Variants in USP4 observed in about 807,000 individuals in gnomAD.
USP4 encodes the protein ubiquitin carboxyl-terminal hydrolase 4.
Under a neutral mutation model 118.2 loss-of-function variants are expected in USP4, and 72 were observed. The observed-to-expected ratio is 0.61, with a 90% CI of 0.50 to 0.74. The LOEUF (loss-of-function observed/expected upper bound fraction) is 0.74, where lower values mean the gene tolerates loss of function less well. USP4 is among the 30% of genes least tolerant of loss of function. The pLI, the probability that USP4 is intolerant of heterozygous loss-of-function variation, is 0.00. For synonymous variants in USP4, 415 were observed against 440.4 expected (o/e 0.94, Z 0.72); for missense variants, 1,037 against 1,185.7 (o/e 0.87, Z 1.84).
chr3:49,319,546 A>G (rs1465830883), intron 6 of USP4, among the ~76,000 whole-genome samples: 2 of 145,864 alleles, frequency 1.4e-5, no homozygotes, highest in Non-Finnish European at 3.0e-5. Context: ...CACTATTTCC[A>G]TTCCCTCAAT....
chr3:49,280,501 CAGTG>C (rs964480131), intron 20 of USP4, among the ~76,000 whole-genome samples: 1 of 142,538 alleles, frequency 7.0e-6, no homozygotes, highest in African/African-American at 2.7e-5. Flanking sequence ...GCAGAGCTTG[CAGTG>C]AGTGAGATTG....
chr3:49,328,884 T>A (rs1171738818), intron 2 of USP4, among the ~76,000 whole-genome samples: 7 of 142,662 alleles, frequency 4.9e-5, no homozygotes, highest in East Asian at 2.1e-4. Flanking sequence ...AAATAAAAAT[T>A]AAAATTAAAA....
chr3:49,319,770 C>T (rs763527681), intron 6 of USP4, among the ~76,000 whole-genome samples: 2 of 151,882 alleles, frequency 1.3e-5, no homozygotes, highest in Non-Finnish European at 2.9e-5. Context: ...CACGCCACCA[C>T]TCCTGGCTAA....
chr3:49,297,585 T>C (rs977513244), intron 13 of USP4, among the ~76,000 whole-genome samples: 2 of 152,088 alleles, frequency 1.3e-5, no homozygotes, highest in African/African-American at 4.8e-5. Flanking sequence ...GGTAGGACCA[T>C]CTGTAGGAGC....
chr3:49,281,514 A>ACG (rs2047027693), intron 19 of USP4, among the ~76,000 whole-genome samples: 1 of 150,398 alleles, frequency 6.6e-6, no homozygotes, highest in South Asian at 2.1e-4. Context: ...ACACACACAC[A>ACG]CACACACACA....
intron 17 of USP4, 124 bp downstream of exon 17, chr3:49,284,725 G>A (rs1306610334): frequency 1.6e-6 from 2 of 1,237,626 alleles, no homozygotes; most frequent in African/African-American, 3.0e-5. Flanking sequence ...ATCTTGAAGT[G>A]CTTTTCCTTC....
intron 4 of USP4, 124 bp downstream of exon 4, chr3:49,325,595 G>A: frequency 7.0e-7 from 1 of 1,431,652 alleles, no homozygotes; most frequent in Non-Finnish European, 9.5e-7. Flanking sequence ...GGCAACTACA[G>A]CTCGAGATGA....
At chr3:49,339,805 T>C in intron 1 of USP4, 119 bp downstream of exon 1, 1 of 734,326 alleles carries the variant, frequency 1.4e-6, no homozygotes, top group African/African-American at 1.8e-5. Flanking sequence ...GGTGTCAGGC[T>C]ACTCTTCCAG....
At chr3:49,311,793 A>G (rs2047385525) in intron 6 of USP4, 139 bp from the exon 7 acceptor site, 4 of 1,384,310 alleles carry the variant, frequency 2.9e-6, no homozygotes, top group Non-Finnish European at 3.7e-6. Flanking sequence ...TATTCATACT[A>G]CTTCAAGGTA....
At chr3:49,284,797 T>C in intron 17 of USP4, 52 bp downstream of exon 17, 1 of 1,545,418 alleles carries the variant, frequency 6.5e-7, no homozygotes. Context: ...GCAGTCCACA[T>C]CCAGAGCAGA....
At chr3:49,333,287 C>T (rs1028311188) in intron 2 of USP4, among the ~76,000 whole-genome samples, 15 of 150,930 alleles carry the variant, frequency 9.9e-5, no homozygotes, top group African/African-American at 3.4e-4. Flanking sequence ...TCCATCTCTA[C>T]AAAAAGAAAA....
intron 8 of USP4, among the ~76,000 whole-genome samples, chr3:49,306,320 G>A (rs988740485): frequency 6.1e-5 from 9 of 148,558 alleles, no homozygotes; most frequent in African/African-American, 1.2e-4. Context: ...CTCCTGCCTC[G>A]GCCTCCTGAG....
intron 2 of USP4, among the ~76,000 whole-genome samples, chr3:49,331,495 T>C (rs1276908178): frequency 6.6e-6 from 1 of 151,420 alleles, no homozygotes; most frequent in African/African-American, 2.4e-5. Context: ...GTGGTGCATG[T>C]CTGTAATCTC....
intron 2 of USP4, among the ~76,000 whole-genome samples, chr3:49,335,120 C>CA (rs914825011): frequency 6.6e-6 from 1 of 152,074 alleles, no homozygotes; most frequent in Non-Finnish European, 1.5e-5. Flanking sequence ...GCAAAGGTAA[C>CA]AAAAAATTCT....
At chr3:49,283,354 GTCTC>G (rs2047060305) in intron 19 of USP4, among the ~76,000 whole-genome samples, 1 of 151,358 alleles carries the variant, frequency 6.6e-6, no homozygotes, top group Non-Finnish European at 1.5e-5. Flanking sequence ...TAGAGAGGAA[GTCTC>G]TCTATGTTGT....
chr3:49,278,477 A>G, intron 21 of USP4, 26 bp from the exon 22 acceptor site: 1 of 1,605,428 alleles, frequency 6.2e-7, no homozygotes, highest in Middle Eastern at 1.7e-4. Context: ...GGGAAAGACC[A>G]TTCAGTGCTT....
chr3:49,306,466 G>A (rs1435853338), intron 8 of USP4, among the ~76,000 whole-genome samples: 1 of 152,078 alleles, frequency 6.6e-6, no homozygotes, highest in Non-Finnish European at 1.5e-5. Flanking sequence ...GCCTCCCAAA[G>A]TGCTGGGGTT....
chr3:49,299,967 C>T (rs1049286470), intron 11 of USP4, among the ~76,000 whole-genome samples: 14 of 150,934 alleles, frequency 9.3e-5, no homozygotes, highest in Admixed American at 5.3e-4. Flanking sequence ...TGACAGAGGC[C>T]GGGTGCGGTG....
intron 5 of USP4, 47 bp downstream of exon 5, chr3:49,324,847 C>T: frequency 6.2e-7 from 1 of 1,613,922 alleles, no homozygotes; most frequent in Non-Finnish European, 8.5e-7. Context: ...TCTGGCCACA[C>T]ACCCTGGGCA....
Sources: allele counts gnomAD v4.1 joint callset (sites outside exome capture counted in the v4.1 genomes callset), GRCh38; gene constraint gnomAD v4.1.1; transcripts MANE v1.5; gene names NCBI Gene and HGNC (gene_info 2026-07-23, HGNC 2026-07-21).